The following MCM8 variants were observed in gnomAD, a reference collection of about 807,000 sequenced individuals.
The protein encoded by MCM8 is minichromosome maintenance 8 homologous recombination repair factor, also known as DNA helicase MCM8.
A neutral mutation model predicts 98.9 loss-of-function variants in MCM8; 85 were observed. That is an observed-to-expected ratio of 0.86 (90% CI 0.72 to 1.03). MCM8 has a LOEUF of 1.03. Among genes scored for constraint, MCM8 ranks in the 50% least tolerant of loss-of-function variants. The pLI is 0.00. For missense variants in MCM8, 951 were observed against 997.8 expected (o/e 0.95, Z 0.63); for synonymous variants, 352 against 338.6 (o/e 1.04, Z -0.44).
At chr20:5,993,122 G>A (rs2089886166) in intron 17 of MCM8, among the ~76,000 whole-genome samples, 1 of 152,014 alleles carries the variant, frequency 6.6e-6, no homozygotes, top group South Asian at 2.1e-4. Flanking sequence ...AAATACTGGT[G>A]CGGCCAGATG....
At position 5,983,265 on chromosome 20, in the gene MCM8, A is replaced by G. The variant is rs886462727; in HGVS notation, c.1733+100A>G. The G allele has an allele frequency of 6.8e-6, 7 of 1,027,498 alleles. No individual in the cohort carries two copies. In the Admixed American group the frequency reaches 1.2e-4, roughly 18 times the overall value. 63.6% of individuals were successfully genotyped at this position (1,027,498 alleles called of 1,614,324 possible). ...AGAACTACAGGGGAAAAACATGGAT[A>G]TTTCACAGAAGTTATAAATGTCCAA... On this transcript the variant is annotated intron_variant, in intron 14 of 18. Coordinates refer to ENST00000610722, the MANE Select transcript of MCM8 (RefSeq NM_032485.6).
intron 12 of MCM8, among the ~76,000 whole-genome samples, chr20:5,975,819 T>C (rs1470802605): frequency 6.6e-6 from 1 of 151,922 alleles, no homozygotes. Context: ...AATAAATGTT[T>C]CTTGGCAGAT....
In MCM8 at chr20:5,984,911, A is replaced by T. The variant is rs1181509195; in HGVS notation, c.1864A>T (p.Ser622Cys). The T allele has an allele frequency of 1.9e-6, 3 of 1,614,174 alleles. No homozygotes were observed. The highest frequency in any genetic ancestry group is 1.7e-5 in the Admixed American group (1 of 60,022). ...AGCTGGAAAGCAGAGAACCATTAGC[A>T]GTGCCACAGTAGCTCGTATGAATAG... is the stretch of plus-strand genomic sequence containing the variant. ...IRAGKQRTISSATVARMNSQD... is the reference protein window; with the variant it reads ...IRAGKQRTISCATVARMNSQD... Residue 622 changes from serine to cysteine, a missense_variant, in exon 15 of 19, where the codon AGT becomes TGT. Transcript: ENST00000610722.
At chr20:5,975,259 TAA>T (rs534162187) in intron 12 of MCM8, among the ~76,000 whole-genome samples, 53 of 139,548 alleles carry the variant, frequency 3.8e-4, no homozygotes, top group Non-Finnish European at 3.0e-4. Flanking sequence ...ACCCTGTCTT[TAA>T]AAAAAAAAAA....
intron 15 of MCM8, among the ~76,000 whole-genome samples, chr20:5,985,651 T>G (rs45488594): frequency 0.035 from 5,318 of 151,966 alleles, 126 homozygotes; most frequent in Middle Eastern, 0.1. Context: ...GTTCAAGTGA[T>G]TCTCCTGCCT....
intron 8 of MCM8, among the ~76,000 whole-genome samples, chr20:5,966,468 G>T (rs998395975): frequency 6.6e-6 from 1 of 151,612 alleles, no homozygotes; most frequent in African/African-American, 2.4e-5. Flanking sequence ...TTTTGTACTT[G>T]TTTCCCCATT....
chr20:5,993,490 T>G lies in MCM8; in HGVS notation c.2241-16T>G. ...CAGTGCTACATTGGGTAATTTTTTC[T>G]TCCTTTCTTTTTAAGCATGCTAGGA... On this transcript the variant is annotated splice_polypyrimidine_tract_variant and intron_variant, in intron 17 of 18. Coordinates refer to ENST00000610722, the MANE Select transcript of MCM8 (RefSeq NM_032485.6). The G allele has an allele frequency of 6.7e-7, 1 of 1,502,822 alleles. No individual in the cohort carries two copies. Among genetic ancestry groups the G allele is most frequent in the Non-Finnish European group, 9.0e-7 (1 of 1,116,084 alleles). The allele number at this position is 1,502,822 out of a possible 1,614,324, so 93.1% of individuals were successfully genotyped here. A position where few individuals can be genotyped will look rare whatever the true frequency, so the allele number is the denominator to read the frequency against.
chr20:5,952,495 C>G lies in MCM8; in HGVS notation c.220C>G (p.Pro74Ala), dbSNP rs991782350. 1.3e-5 allele frequency: 21 copies of G among 1,613,842 alleles called. No individual in the cohort carries two copies. The highest frequency in any genetic ancestry group is 1.8e-5 in the Non-Finnish European group (21 of 1,179,906). Reference sequence around the variant, plus strand: ...GCAGTCAACATTGGATCGATTCATACCATATAAAGGCTGGAAGCTTTATTT... The same window carrying G: ...GCAGTCAACATTGGATCGATTCATAGCATATAAAGGCTGGAAGCTTTATTT... ...SMQSTLDRFI[P>A]YKGWKLYFSE... Residue 74 changes from proline to alanine, a missense_variant, in exon 3 of 19, where the codon CCA becomes GCA. Coordinates refer to ENST00000610722, the MANE Select transcript of MCM8 (RefSeq NM_032485.6).
At chr20:5,986,349 A>C (rs1361035676) in intron 16 of MCM8, among the ~76,000 whole-genome samples, 1 of 152,064 alleles carries the variant, frequency 6.6e-6, no homozygotes, top group African/African-American at 2.4e-5. Flanking sequence ...ATTACTTAGC[A>C]TGCAACTTTT....
chr20:5,980,547 A>T (rs1185575828), intron 13 of MCM8, among the ~76,000 whole-genome samples: 12 of 152,184 alleles, frequency 7.9e-5, no homozygotes. Flanking sequence ...AAAAGATGAT[A>T]CTCATGAAAC....
At position 5,983,061 on chromosome 20, in the gene MCM8, G is replaced by A. The variant is rs6117026; in HGVS notation, c.1629G>A (p.Lys543=). 9 of 1,614,170 alleles carry A rather than the reference G, an allele frequency of 5.6e-6. No homozygotes were observed. In the South Asian group the frequency reaches 7.7e-5, roughly 14 times the overall value. The stretch of plus-strand genomic sequence containing the variant: ...AGCAGCAAAGTATTAGTCTTGCTAA[G>A]GCTGGTGTGGTTTGTAGCCTTCCTG... ...AMEQQSISLA[K]AGVVCSLPAR... The change falls in exon 14 of 19, where the codon AAG becomes AAA. Residue 543 remains lysine (K), a synonymous_variant. Transcript: ENST00000610722.
intron 8 of MCM8, 60 bp downstream of exon 8, chr20:5,963,419 C>T (rs915176289): frequency 7.8e-7 from 1 of 1,277,924 alleles, no homozygotes; most frequent in Non-Finnish European, 1.1e-6. Flanking sequence ...TTGAGAAAAT[C>T]CATAATTTTA....
chr20:5,956,423 T>G (rs2088983680), intron 5 of MCM8, among the ~76,000 whole-genome samples: 1 of 152,140 alleles, frequency 6.6e-6, no homozygotes, highest in South Asian at 2.1e-4. Context: ...TTGTTTGTTG[T>G]TTATTTATTT....
intron 17 of MCM8, chr20:5,990,814 A>T (rs899254231): frequency 6.6e-6 from 1 of 152,222 alleles, no homozygotes; most frequent in Non-Finnish European, 1.5e-5. Context: ...TTCTTATTTA[A>T]TGATGAGAAG....
intron 12 of MCM8, among the ~76,000 whole-genome samples, chr20:5,977,325 C>T (rs1407906293): frequency 1.3e-5 from 2 of 152,190 alleles, no homozygotes; most frequent in Non-Finnish European, 2.9e-5. Context: ...AGCTGAGGCT[C>T]AGAGAGGTCT....
intron 18 of MCM8, 142 bp from the exon 19 acceptor site, chr20:5,994,157 C>G: frequency 2.1e-6 from 1 of 475,090 alleles, no homozygotes; most frequent in Non-Finnish European, 3.7e-6. Context: ...CAAATATAGG[C>G]AGTTTGCTCT....
intron 8 of MCM8, 82 bp downstream of exon 8, chr20:5,963,441 T>C: frequency 3.0e-6 from 3 of 1,001,488 alleles, no homozygotes; most frequent in Non-Finnish European, 4.7e-6. Flanking sequence ...TGTATTATAT[T>C]GTACGTTTTA....
chr20:5,971,227 C>G (rs773624078), intron 10 of MCM8, among the ~76,000 whole-genome samples: 1 of 152,220 alleles, frequency 6.6e-6, no homozygotes, highest in Non-Finnish European at 1.5e-5. Flanking sequence ...GGGGGTCAGA[C>G]ATGCCTTATT....
At position 5,958,551 on chromosome 20, in the gene MCM8, C is replaced by T; in HGVS notation, c.614C>T (p.Thr205Ile). ...HARVYNYEPL[T>I]QLKNVRANYY... ...AGGGTGTACAACTATGAGCCTTTGA[C>T]ACAGCTCAAGAATGTCAGAGCAAAT... Residue 205 changes from threonine to isoleucine, a missense_variant, in exon 7 of 19, where the codon ACA becomes ATA. Transcript: ENST00000610722. The T allele has an allele frequency of 2.5e-6, 4 of 1,614,010 alleles. No homozygotes were observed. The South Asian group carries it at 4.4e-5, about 18-fold the overall frequency.
Sources: gnomAD v4.1 joint callset for allele counts (sites outside exome capture counted in the v4.1 genomes callset) on GRCh38, gnomAD v4.1.1 for gene constraint, MANE v1.5 for transcripts, NCBI Gene and HGNC (gene_info 2026-07-23, HGNC 2026-07-21) for gene names.